ZNF609: variants seen among roughly 807,000 people sequenced by gnomAD.
The protein encoded by ZNF609 is zinc finger protein 609.
A neutral mutation model predicts 109.5 loss-of-function variants in ZNF609; 11 were observed. That is an observed-to-expected ratio of 0.10 (90% CI 0.06 to 0.17). The LOEUF is 0.17. ZNF609 is among the 10% of genes least tolerant of loss of function. The pLI is 1.00. For synonymous variants in ZNF609, 646 were observed against 662.0 expected, an observed-to-expected ratio of 0.98 and a Z score of 0.37; for missense variants, 1,559 against 1,772.4, an observed-to-expected ratio of 0.88 and a Z score of 2.16.
At chr15:64,594,577 G>A (rs901603251) in intron 2 of ZNF609, among the ~76,000 whole-genome samples, 7 of 151,690 alleles carry the variant, frequency 4.6e-5, no homozygotes, top group African/African-American at 1.7e-4. Flanking sequence ...AGCTCAAGCA[G>A]TCTGCCTGCC....
At chr15:64,567,956 C>T (rs1163656269) in intron 2 of ZNF609, among the ~76,000 whole-genome samples, 2 of 151,894 alleles carry the variant, frequency 1.3e-5, no homozygotes, top group East Asian at 1.9e-4. Flanking sequence ...CCACGGTACC[C>T]GGCTGAGATA....
chr15:64,653,209 AC>A (rs1343456427), intron 3 of ZNF609, among the ~76,000 whole-genome samples: 25 of 152,206 alleles, frequency 1.6e-4, no homozygotes, highest in Admixed American at 8.5e-4. Context: ...TCTTTAAAGA[AC>A]CCTTTATTTC....
chr15:64,533,298 G>A (rs112840987), intron 2 of ZNF609, among the ~76,000 whole-genome samples: 28 of 152,154 alleles, frequency 1.8e-4, no homozygotes, highest in African/African-American at 1.2e-4. Context: ...CCATCTGCCC[G>A]TCTCAGCCCT....
chr15:64,488,076 G>A (rs1360569702), intron 1 of ZNF609, among the ~76,000 whole-genome samples: 1 of 152,198 alleles, frequency 6.6e-6, no homozygotes, highest in Non-Finnish European at 1.5e-5. Context: ...ATGCATGAAT[G>A]AGACTGTTGC....
intron 1 of ZNF609, among the ~76,000 whole-genome samples, chr15:64,466,243 T>A (rs992008232): frequency 3.9e-5 from 6 of 152,166 alleles, no homozygotes; most frequent in African/African-American, 1.4e-4. Flanking sequence ...TTAATATGAT[T>A]TTCTCTTTCA....
At chr15:64,567,254 G>A (rs965421119) in intron 2 of ZNF609, among the ~76,000 whole-genome samples, 29 of 152,240 alleles carry the variant, frequency 1.9e-4, no homozygotes, top group East Asian at 5.8e-4. Flanking sequence ...GGGAGGCCGA[G>A]GCGTGTGGAT....
At position 64,588,442 on chromosome 15, in the gene ZNF609, A is replaced by AAAAAAAAAAAGAAG. The variant is rs71133451; in HGVS notation, c.748-34383_748-34382insAAAAAAAAGAAGAA. Among the ~76,000 whole-genome samples, 33 of 75,280 alleles carry AAAAAAAAAAAGAAG rather than the reference A, an allele frequency of 4.4e-4. 2 individuals carry two copies. Among genetic ancestry groups the AAAAAAAAAAAGAAG allele is most frequent in the African/African-American group, 1.7e-3 (33 of 19,516 alleles). The allele number at this position is 75,280 out of a possible 152,430, so 49.4% of individuals were successfully genotyped here. A position where few individuals can be genotyped will look rare whatever the true frequency, so the allele number is the denominator to read the frequency against. ...CACTCTGTCTAAAAAAAAAAAAAAA[A>AAAAAAAAAAAGAAG]AAGAAGAGGAAGACTGTACAGACTA... On this transcript the variant is annotated intron_variant, in intron 2 of 9. Coordinates refer to ENST00000326648, the MANE Select transcript of ZNF609 (RefSeq NM_015042.2).
chr15:64,476,259 T>C (rs150960549), intron 1 of ZNF609, among the ~76,000 whole-genome samples: 2 of 147,948 alleles, frequency 1.4e-5, no homozygotes, highest in Non-Finnish European at 3.0e-5. Context: ...TGCCCTGTTC[T>C]AGTTGTTTAA....
At chr15:64,562,149 A>G (rs919677978) in intron 2 of ZNF609, among the ~76,000 whole-genome samples, 1 of 152,264 alleles carries the variant, frequency 6.6e-6, no homozygotes, top group Non-Finnish European at 1.5e-5. Context: ...TCCAGGGTCC[A>G]CTTTTCATTC....
At chr15:64,627,612 A>T (rs1289424171) in intron 3 of ZNF609, among the ~76,000 whole-genome samples, 1 of 150,836 alleles carries the variant, frequency 6.6e-6, no homozygotes. Flanking sequence ...CTTAAGTTGA[A>T]CTAGGTGACC....
chr15:64,467,642 C>G (rs988567041), intron 1 of ZNF609, among the ~76,000 whole-genome samples: 1 of 152,168 alleles, frequency 6.6e-6, no homozygotes, highest in Non-Finnish European at 1.5e-5. Context: ...GTCAAGAGAT[C>G]GAGACCATCC....
At chr15:64,603,710 T>C (rs1895544268) in intron 2 of ZNF609, among the ~76,000 whole-genome samples, 1 of 151,892 alleles carries the variant, frequency 6.6e-6, no homozygotes, top group African/African-American at 2.4e-5. Flanking sequence ...TCCCTTAAGA[T>C]TTAGCTGAGG....
chr15:64,651,610 C>T (rs192386970), intron 3 of ZNF609, among the ~76,000 whole-genome samples: 303 of 152,342 alleles, frequency 2.0e-3, no homozygotes, highest in Non-Finnish European at 2.9e-3. Context: ...AGCCATTGCT[C>T]AGCTCCTGTT....
chr15:64,591,351 C>T (rs977626893), intron 2 of ZNF609, among the ~76,000 whole-genome samples: 2 of 152,078 alleles, frequency 1.3e-5, no homozygotes, highest in Admixed American at 6.5e-5. Flanking sequence ...TCGCTTGAAC[C>T]CAGGAGACAG....
intron 2 of ZNF609, among the ~76,000 whole-genome samples, chr15:64,585,583 T>C (rs1383952190): frequency 1.3e-5 from 2 of 152,214 alleles, no homozygotes; most frequent in African/African-American, 2.4e-5. Flanking sequence ...GTATTTCTTT[T>C]GAATATAGTA....
chr15:64,509,586 C>T (rs1893687998), intron 2 of ZNF609, among the ~76,000 whole-genome samples: 1 of 152,158 alleles, frequency 6.6e-6, no homozygotes, highest in African/African-American at 2.4e-5. Context: ...AAGAAGGCTT[C>T]AGGGAGAGAT....
chr15:64,491,253 C>G (rs72741357), intron 1 of ZNF609, among the ~76,000 whole-genome samples: 7,339 of 152,134 alleles, frequency 0.048, 235 homozygotes, highest in South Asian at 0.087. Flanking sequence ...GAGGGAGATG[C>G]CTGTTTTTAT....
Position 64,499,329 on chromosome 15 carries a change from T to C in ZNF609, c.-91T>C. 1 of 1,513,198 alleles carries C rather than the reference T, an allele frequency of 6.6e-7. No homozygotes were observed. Among genetic ancestry groups the C allele is most frequent in the Non-Finnish European group, 8.9e-7 (1 of 1,124,140 alleles). The allele number at this position is 1,513,198 out of a possible 1,614,324, so 93.7% of individuals were successfully genotyped here. On this transcript the variant is annotated 5_prime_UTR_variant, in exon 2 of 10. Coordinates refer to ENST00000326648, the MANE Select transcript of ZNF609 (RefSeq NM_015042.2). The stretch of plus-strand genomic sequence containing the variant: ...TCCACTGGGCATGTACTGACCAATG[T>C]GGCAGGTCTGAGAACATAGCTGAAG...
Position 64,675,686 on chromosome 15 carries a change from T to G in ZNF609, c.2832T>G (p.Cys944Trp). ...SIEGKVKNDI[C>W]EEKKPELSSS... is the part of the protein sequence containing the mutation. ...AAGGGAAAGTGAAGAACGATATCTG[T>G]GAAGAAAAGAAGCCCGAGCTGAGCA... The change falls in exon 5 of 10, where the codon TGT becomes TGG. Residue 944 changes from cysteine (C) to tryptophan (W), a missense_variant. Physicochemically the swap from Cys to Trp is radical, Grantham distance 215 (BLOSUM62 -2). Transcript: ENST00000326648. 1 of 1,613,758 alleles carries G rather than the reference T, an allele frequency of 6.2e-7. No individual in the cohort carries two copies. The highest frequency in any genetic ancestry group is 8.5e-7 in the Non-Finnish European group (1 of 1,179,928).
Sources: allele counts gnomAD v4.1 joint callset (sites outside exome capture counted in the v4.1 genomes callset), GRCh38; gene constraint gnomAD v4.1.1; transcripts MANE v1.5; gene names NCBI Gene and HGNC (gene_info 2026-07-23, HGNC 2026-07-21).